ADGRB3: variants seen among roughly 807,000 people sequenced by gnomAD.
ADGRB3 encodes adhesion G protein-coupled receptor B3.
Under a neutral mutation model 193.4 loss-of-function variants are expected in ADGRB3, and 37 were observed. The ratio of observed to expected loss-of-function variants is 0.19; its 90% CI spans 0.15 to 0.25. The LOEUF (loss-of-function observed/expected upper bound fraction) is 0.25. Ranked by LOEUF, ADGRB3 falls within the 10% of genes least tolerant of loss-of-function variation. The pLI is 1.00. For missense variants in ADGRB3, 1,637 were observed against 1,852.9 expected (o/e 0.88, Z 2.14); for synonymous variants, 690 against 644.2 (o/e 1.07, Z -1.08).
intron 17 of ADGRB3, among the ~76,000 whole-genome samples, chr6:69,098,672 T>G (rs1772951782): frequency 6.6e-6 from 1 of 152,112 alleles, no homozygotes; most frequent in South Asian, 2.1e-4. Flanking sequence ...ACCAGGCCCT[T>G]CCTCCAATTC....
intron 17 of ADGRB3, among the ~76,000 whole-genome samples, chr6:69,135,451 C>CA (rs1256877081): frequency 6.6e-6 from 1 of 151,880 alleles, no homozygotes; most frequent in Admixed American, 6.6e-5. Flanking sequence ...TTGTAAAAAC[C>CA]ATGTTCTCTT....
intron 26 of ADGRB3, among the ~76,000 whole-genome samples, chr6:69,352,932 A>T (rs1381560462): frequency 6.6e-6 from 1 of 152,248 alleles, no homozygotes; most frequent in Non-Finnish European, 1.5e-5. Context: ...TAGGGAAAAC[A>T]TCATCTATGA....
chr6:69,045,759 T>G (rs186400365), intron 13 of ADGRB3, among the ~76,000 whole-genome samples: 12 of 152,228 alleles, frequency 7.9e-5, no homozygotes, highest in Admixed American at 6.5e-4. Context: ...CTTATAATAG[T>G]AAAAACCTCC....
chr6:68,807,244 T>TTC (rs1467131929), intron 3 of ADGRB3, among the ~76,000 whole-genome samples: 1 of 136,962 alleles, frequency 7.3e-6, no homozygotes, highest in African/African-American at 2.9e-5. Context: ...TCTTTTTTTT[T>TTC]TTTTTTTTTT....
At chr6:68,750,227 T>G (rs1766168939) in intron 3 of ADGRB3, among the ~76,000 whole-genome samples, 1 of 152,214 alleles carries the variant, frequency 6.6e-6, no homozygotes, top group East Asian at 1.9e-4. Flanking sequence ...TCACAAGCTT[T>G]TCATTAAACA....
intron 17 of ADGRB3, among the ~76,000 whole-genome samples, chr6:69,158,108 T>C (rs1455788524): frequency 6.6e-6 from 1 of 152,178 alleles, no homozygotes; most frequent in Admixed American, 6.6e-5. Flanking sequence ...ACATAAAAGA[T>C]ATATAAACCC....
intron 27 of ADGRB3, 110 bp downstream of exon 27, chr6:69,354,438 C>A: frequency 1.1e-6 from 1 of 901,826 alleles, no homozygotes; most frequent in Non-Finnish European, 1.8e-6. Context: ...TTGACTTTGG[C>A]TTCAGTTCAT....
At chr6:69,154,302 T>G (rs781689039) in intron 17 of ADGRB3, among the ~76,000 whole-genome samples, 3 of 152,180 alleles carry the variant, frequency 2.0e-5, no homozygotes, top group Non-Finnish European at 4.4e-5. Flanking sequence ...GACTCTTAAA[T>G]CTATCTTCAC....
intron 18 of ADGRB3, among the ~76,000 whole-genome samples, chr6:69,234,127 C>T (rs779191503): frequency 7.2e-5 from 11 of 152,112 alleles, no homozygotes; most frequent in Non-Finnish European, 8.8e-5. Flanking sequence ...AAATAAGCAT[C>T]ACTCTTCTTA....
chr6:68,977,482 A>T (rs890708985), intron 10 of ADGRB3, among the ~76,000 whole-genome samples: 1 of 152,126 alleles, frequency 6.6e-6, no homozygotes, highest in African/African-American at 2.4e-5. Flanking sequence ...CACTTTCCAA[A>T]TGTACTGTTT....
chr6:68,894,883 G>A (rs1766176263), intron 3 of ADGRB3, among the ~76,000 whole-genome samples: 1 of 151,658 alleles, frequency 6.6e-6, no homozygotes, highest in South Asian at 2.1e-4. Flanking sequence ...TTAAAATTCA[G>A]TGTTCAGTGT....
At chr6:69,233,061 G>A (rs1766182136) in intron 17 of ADGRB3, 2 of 572,664 alleles carry the variant, frequency 3.5e-6, no homozygotes, top group Non-Finnish European at 3.0e-6. Flanking sequence ...CTCCGGCGCT[G>A]GACAGCTCTC....
intron 30 of ADGRB3, among the ~76,000 whole-genome samples, chr6:69,381,337 C>A (rs1769942635): frequency 6.6e-6 from 1 of 151,866 alleles, no homozygotes; most frequent in African/African-American, 2.4e-5. Context: ...TGTTTCATGT[C>A]CCTATCATGA....
intron 13 of ADGRB3, among the ~76,000 whole-genome samples, chr6:69,036,375 G>T (rs1054708071): frequency 1.3e-5 from 2 of 152,092 alleles, no homozygotes; most frequent in Non-Finnish European, 2.9e-5. Flanking sequence ...AGTCCTGGTT[G>T]ACTCCAGGGC....
chr6:69,000,940 G>A (rs1331543200), intron 11 of ADGRB3, among the ~76,000 whole-genome samples: 1 of 152,006 alleles, frequency 6.6e-6, no homozygotes, highest in African/African-American at 2.4e-5. Flanking sequence ...TTATTACTTG[G>A]CACATAGTAA....
intron 16 of ADGRB3, among the ~76,000 whole-genome samples, chr6:69,073,486 A>G (rs1276297083): frequency 6.6e-6 from 1 of 152,144 alleles, no homozygotes; most frequent in African/African-American, 2.4e-5. Context: ...AAAAAATGGA[A>G]TTTACTGGGA....
chr6:68,967,050 A>G (rs1021932896), intron 8 of ADGRB3, among the ~76,000 whole-genome samples: 1 of 152,204 alleles, frequency 6.6e-6, no homozygotes, highest in African/African-American at 2.4e-5. Context: ...GTACCGTTTG[A>G]CATTACTACT....
intron 3 of ADGRB3, among the ~76,000 whole-genome samples, chr6:68,820,704 G>C (rs112694279): frequency 6.6e-6 from 1 of 151,774 alleles, no homozygotes; most frequent in South Asian, 2.1e-4. Flanking sequence ...CAGTAAGTTC[G>C]TTTTAGTTTT....
intron 13 of ADGRB3, among the ~76,000 whole-genome samples, chr6:69,043,815 G>A (rs1220080646): frequency 6.6e-6 from 1 of 152,220 alleles, no homozygotes; most frequent in African/African-American, 2.4e-5. Flanking sequence ...AGATGAACAT[G>A]GAATTTATCT....
Sources: allele counts gnomAD v4.1 joint callset (sites outside exome capture counted in the v4.1 genomes callset), GRCh38; gene constraint gnomAD v4.1.1; transcripts MANE v1.5; gene names NCBI Gene and HGNC (gene_info 2026-07-23, HGNC 2026-07-21).